Variants in FBXL13 observed in about 807,000 individuals in gnomAD.
FBXL13 encodes F-box and leucine-rich repeat protein 13.
In FBXL13, 67 loss-of-function variants were observed where a neutral mutation model predicts 83.6. The ratio of observed to expected loss-of-function variants is 0.80; its 90% CI spans 0.66 to 0.98. The LOEUF (loss-of-function observed/expected upper bound fraction) is 0.98. Ranked by LOEUF, FBXL13 falls within the 50% of genes least tolerant of loss-of-function variation. The pLI is 0.00. For synonymous variants in FBXL13, 272 were observed against 299.5 expected (o/e 0.91, Z 0.95); for missense variants, 822 against 866.5 (o/e 0.95, Z 0.64).
intron 6 of FBXL13, among the ~76,000 whole-genome samples, chr7:102,983,661 T>A (rs981148842): frequency 2.0e-5 from 3 of 152,118 alleles, no homozygotes; most frequent in Admixed American, 1.3e-4. Context: ...CCTCAAGTGA[T>A]CTGCCTGCTT....
At chr7:102,835,851 C>T (rs1366989241) in intron 17 of FBXL13, among the ~76,000 whole-genome samples, 1 of 151,852 alleles carries the variant, frequency 6.6e-6, no homozygotes, top group Non-Finnish European at 1.5e-5. Flanking sequence ...CCTCGTGATC[C>T]GCCCGCCTCG....
intron 16 of FBXL13, among the ~76,000 whole-genome samples, chr7:102,866,708 A>C (rs1807705932): frequency 6.6e-6 from 1 of 152,190 alleles, no homozygotes; most frequent in Non-Finnish European, 1.5e-5. Context: ...ACGCAGCTGT[A>C]AGTGCTTCCA....
chr7:103,002,173 T>C (rs1274136604), intron 6 of FBXL13, among the ~76,000 whole-genome samples: 2 of 152,186 alleles, frequency 1.3e-5, no homozygotes, highest in African/African-American at 2.4e-5. Context: ...AGTGTATCTA[T>C]TACAGGTTTT....
At chr7:102,892,882 G>C (rs1293415885) in intron 11 of FBXL13, among the ~76,000 whole-genome samples, 1 of 152,020 alleles carries the variant, frequency 6.6e-6, no homozygotes, top group Non-Finnish European at 1.5e-5. Flanking sequence ...ACTTCCTGTT[G>C]GTAGCTTAAA....
At chr7:102,995,593 C>A (rs551492623) in intron 6 of FBXL13, among the ~76,000 whole-genome samples, 19 of 151,206 alleles carry the variant, frequency 1.3e-4, no homozygotes, top group Admixed American at 7.9e-4. Flanking sequence ...TTGAGACCAA[C>A]CTGGCCAACA....
chr7:102,963,715 C>A, intron 7 of FBXL13, 50 bp from the exon 9 acceptor site: 1 of 1,539,890 alleles, frequency 6.5e-7, no homozygotes, highest in East Asian at 2.3e-5. Flanking sequence ...TCCCCAAAAA[C>A]AATTGCAACA....
chr7:103,023,043 G>A (rs942024777), intron 6 of FBXL13, among the ~76,000 whole-genome samples: 13 of 152,226 alleles, frequency 8.5e-5, no homozygotes, highest in African/African-American at 2.6e-4. Flanking sequence ...TTGGGAGGCC[G>A]AGGCGGGTGG....
At chr7:102,908,191 A>C (rs1814053829) in intron 11 of FBXL13, among the ~76,000 whole-genome samples, 1 of 152,158 alleles carries the variant, frequency 6.6e-6, no homozygotes, top group Non-Finnish European at 1.5e-5. Flanking sequence ...CAGTTCTGCT[A>C]TTAAAGGACT....
chr7:103,042,049 G>C (rs1795767749), intron 2 of FBXL13, among the ~76,000 whole-genome samples: 1 of 152,148 alleles, frequency 6.6e-6, no homozygotes, highest in African/African-American at 2.4e-5. Flanking sequence ...CTTTGCAGAT[G>C]ACACGACTGT....
intron 16 of FBXL13, among the ~76,000 whole-genome samples, chr7:102,872,747 T>A (rs1041415914): frequency 6.6e-6 from 1 of 152,218 alleles, no homozygotes; most frequent in African/African-American, 2.4e-5. Context: ...TAAGTGAACA[T>A]TTTGAAAAGC....
At chr7:102,946,800 G>A (rs867117088) in intron 8 of FBXL13, among the ~76,000 whole-genome samples, 5 of 151,822 alleles carry the variant, frequency 3.3e-5, no homozygotes, top group Non-Finnish European at 5.9e-5. Flanking sequence ...TCAGCCTCCC[G>A]AGTAGCTGGG....
chr7:103,014,662 G>A (rs1425589668), intron 6 of FBXL13, among the ~76,000 whole-genome samples: 2 of 151,890 alleles, frequency 1.3e-5, no homozygotes, highest in African/African-American at 2.4e-5. Flanking sequence ...GGTGGCTCAC[G>A]CCTGTACTCC....
At chr7:102,835,678 C>T (rs1801805773) in intron 17 of FBXL13, among the ~76,000 whole-genome samples, 1 of 110,204 alleles carries the variant, frequency 9.1e-6, no homozygotes, top group East Asian at 3.0e-4. Flanking sequence ...GGCGCAATCT[C>T]GGCTCACTGC....
chr7:102,868,910 C>T (rs907374554), intron 16 of FBXL13, among the ~76,000 whole-genome samples: 4 of 152,216 alleles, frequency 2.6e-5, no homozygotes, highest in Admixed American at 6.5e-5. Flanking sequence ...TCAAGTGATC[C>T]GCCTGCCTTG....
chr7:102,977,059 T>A (rs1409028536), intron 6 of FBXL13, among the ~76,000 whole-genome samples: 1 of 152,128 alleles, frequency 6.6e-6, no homozygotes, highest in African/African-American at 2.4e-5. Flanking sequence ...CTGTGTATGA[T>A]CACTTAAACA....
chr7:103,048,225 TA>T (rs1796469253), intron 2 of FBXL13, among the ~76,000 whole-genome samples: 1 of 151,950 alleles, frequency 6.6e-6, no homozygotes, highest in Non-Finnish European at 1.5e-5. Flanking sequence ...AATATAAAGA[TA>T]TATATATAAA....
At chr7:102,834,878 ATGTGTGTGTG>A (rs57047697) in intron 17 of FBXL13, among the ~76,000 whole-genome samples, 140 of 147,160 alleles carry the variant, frequency 9.5e-4, no homozygotes, top group East Asian at 4.6e-3. Context: ...CCATTCCACA[ATGTGTGTGTG>A]TGTGTGTGTG....
intron 6 of FBXL13, among the ~76,000 whole-genome samples, chr7:103,024,281 C>A (rs1034207512): frequency 2.6e-5 from 4 of 151,906 alleles, no homozygotes; most frequent in African/African-American, 9.7e-5. Flanking sequence ...AATCCCAGCA[C>A]TTTGGGAGGC....
intron 6 of FBXL13, among the ~76,000 whole-genome samples, chr7:103,004,668 T>C (rs1405080651): frequency 2.6e-5 from 4 of 152,112 alleles, no homozygotes; most frequent in African/African-American, 9.7e-5. Flanking sequence ...AGTGTGGAAA[T>C]TGAGTTGCAG....
Sources: gnomAD v4.1 joint callset for allele counts (sites outside exome capture counted in the v4.1 genomes callset) on GRCh38, gnomAD v4.1.1 for gene constraint, MANE v1.5 for transcripts, NCBI Gene and HGNC (gene_info 2026-07-23, HGNC 2026-07-21) for gene names.